ANKRD31: variants seen among roughly 807,000 people sequenced by gnomAD.
The protein encoded by ANKRD31 is ankyrin repeat domain-containing protein 31.
In ANKRD31, 147 loss-of-function variants were observed where a neutral mutation model predicts 186.0. That is an observed-to-expected ratio of 0.79 (90% CI 0.69 to 0.91). The LOEUF is 0.91. Among genes scored for constraint, ANKRD31 ranks in the 40% least tolerant of loss-of-function variants. The probability of loss-of-function intolerance (pLI) is 0.00; values close to 1 mark genes in which losing one functional copy is unlikely to be tolerated. For synonymous variants in ANKRD31, 673 were observed against 736.4 expected, an observed-to-expected ratio of 0.91 and a Z score of 1.39; for missense variants, 1,986 against 2,148.8, an observed-to-expected ratio of 0.92 and a Z score of 1.50.
intron 16 of ANKRD31, 132 bp from the exon 17 acceptor site, chr5:75,138,130 A>G: frequency 1.3e-6 from 1 of 775,766 alleles, no homozygotes; most frequent in Non-Finnish European, 1.8e-6. Context: ...TAAGTATTGA[A>G]CAAGAAATAA....
chr5:75,214,934 G>A (rs976654321), intron 3 of ANKRD31, among the ~76,000 whole-genome samples: 1 of 152,210 alleles, frequency 6.6e-6, no homozygotes, highest in Non-Finnish European at 1.5e-5. Context: ...CCAATGGGAT[G>A]TGTACATATG....
At chr5:75,222,131 A>G in intron 3 of ANKRD31, 118 bp downstream of exon 3, 1 of 660,068 alleles carries the variant, frequency 1.5e-6, no homozygotes, top group East Asian at 3.1e-5. Flanking sequence ...AAAAATTAAT[A>G]AGAAAAGAGG....
rs1476261033 is a variant in ANKRD31, at chr5:75,147,509, T to C, written c.1906-4A>G. The C allele has an allele frequency of 1.4e-6, 2 of 1,423,832 alleles. No individual in the cohort carries two copies. Among genetic ancestry groups the C allele is most frequent in the East Asian group, 2.5e-5 (1 of 39,824 alleles). The allele number at this position is 1,423,832 out of a possible 1,614,324, so 88.2% of individuals were successfully genotyped here. ...TTTTAGAACTGAACTTTGGTTTCTA[T>C]AGAAAAAAAATACATAGTTAGCTTT... On this transcript the variant is annotated splice_region_variant and splice_polypyrimidine_tract_variant and intron_variant, in intron 13 of 25. Coordinates refer to ENST00000506364, the MANE Select transcript of ANKRD31 (RefSeq NM_001372053.1).
At chr5:75,074,955 CA>C (rs1387220961) in intron 25 of ANKRD31, among the ~76,000 whole-genome samples, 11 of 152,164 alleles carry the variant, frequency 7.2e-5, no homozygotes, top group African/African-American at 2.2e-4. Context: ...TATTTCTACA[CA>C]AAAGCACAAA....
intron 17 of ANKRD31, among the ~76,000 whole-genome samples, 169 bp from the exon 18 acceptor site, chr5:75,118,466 A>G (rs1379838889): frequency 1.3e-5 from 2 of 152,216 alleles, no homozygotes; most frequent in East Asian, 3.8e-4. Context: ...AACTAATCCA[A>G]TTTGGACTGA....
At chr5:75,204,044 T>C (rs1214461318) in intron 5 of ANKRD31, among the ~76,000 whole-genome samples, 2 of 152,220 alleles carry the variant, frequency 1.3e-5, no homozygotes, top group Non-Finnish European at 2.9e-5. Context: ...ATGGTCAATT[T>C]ACTAAACTTC....
chr5:75,215,347 A>G (rs1482222834), intron 3 of ANKRD31, among the ~76,000 whole-genome samples: 1 of 152,156 alleles, frequency 6.6e-6, no homozygotes, highest in East Asian at 1.9e-4. Flanking sequence ...ATAATGTTTG[A>G]CCAACTATCT....
intron 10 of ANKRD31, among the ~76,000 whole-genome samples, chr5:75,171,760 C>T (rs1001477386): frequency 1.3e-5 from 2 of 151,188 alleles, no homozygotes; most frequent in Admixed American, 6.6e-5. Flanking sequence ...ATAGCCTATA[C>T]CTATTAATGA....
At chr5:75,080,302 A>G (rs565619358) in intron 25 of ANKRD31, among the ~76,000 whole-genome samples, 216 of 152,290 alleles carry the variant, frequency 1.4e-3, no homozygotes, top group Non-Finnish European at 2.2e-3. Context: ...TTACTTATTC[A>G]TTCATTTATT....
At chr5:75,131,306 G>A (rs556154870) in intron 17 of ANKRD31, among the ~76,000 whole-genome samples, 3 of 152,302 alleles carry the variant, frequency 2.0e-5, no homozygotes, top group Non-Finnish European at 4.4e-5. Flanking sequence ...GAGAGCGAGC[G>A]AGGGTTGCTA....
At chr5:75,188,693 A>G in intron 9 of ANKRD31, 45 bp from the exon 10 acceptor site, 1 of 1,451,994 alleles carries the variant, frequency 6.9e-7, no homozygotes, top group African/African-American at 1.4e-5. Context: ...TTATTTGAAT[A>G]TCAGAAGGAA....
chr5:75,111,237 A>G (rs1473428679), intron 20 of ANKRD31, among the ~76,000 whole-genome samples: 2 of 152,042 alleles, frequency 1.3e-5, no homozygotes, highest in East Asian at 1.9e-4. Context: ...GCCTGGAAAT[A>G]AAACAACAAA....
chr5:75,106,604 C>A (rs1390217100), intron 21 of ANKRD31, among the ~76,000 whole-genome samples: 1 of 151,958 alleles, frequency 6.6e-6, no homozygotes, highest in African/African-American at 2.4e-5. Flanking sequence ...TAAGAATTTA[C>A]GTATTGAAAC....
At chr5:75,112,033 A>G (rs113359911) in intron 20 of ANKRD31, among the ~76,000 whole-genome samples, 2 of 152,276 alleles carry the variant, frequency 1.3e-5, no homozygotes, top group African/African-American at 4.8e-5. Flanking sequence ...TTATCTAAAC[A>G]TATCACTGGT....
intron 10 of ANKRD31, among the ~76,000 whole-genome samples, chr5:75,177,454 A>C (rs899528165): frequency 1.3e-5 from 2 of 152,202 alleles, no homozygotes; most frequent in Admixed American, 6.5e-5. Context: ...AGTTGAAATG[A>C]AGGAAAAAAT....
At chr5:75,198,237 C>T (rs1322507396) in intron 6 of ANKRD31, among the ~76,000 whole-genome samples, 4 of 152,194 alleles carry the variant, frequency 2.6e-5, no homozygotes, top group African/African-American at 9.6e-5. Flanking sequence ...AAATAGAGGA[C>T]ACAAATTTGA....
At chr5:75,083,179 T>C (rs918280401) in intron 24 of ANKRD31, among the ~76,000 whole-genome samples, 11 of 152,182 alleles carry the variant, frequency 7.2e-5, no homozygotes, top group African/African-American at 2.7e-4. Context: ...TTTTAATAAT[T>C]TTGTACATGA....
In ANKRD31 at chr5:75,102,431, C is replaced by T. The variant is rs1746977508; in HGVS notation, c.5331+1797G>A. ...CCATTCTCAGATCTCAAGCTCCATG[C>T]TGGAAGAACCACTACTCTCTTCAAA... On this transcript the variant is annotated intron_variant, in intron 22 of 25. Transcript: ENST00000506364. Among the ~76,000 whole-genome samples, 3 of 152,326 alleles carry T rather than the reference C, an allele frequency of 2.0e-5. No homozygotes were observed. In the East Asian group the frequency reaches 5.8e-4, roughly 29 times the overall value.
intron 25 of ANKRD31, among the ~76,000 whole-genome samples, chr5:75,079,132 A>T (rs1744888311): frequency 6.6e-6 from 1 of 152,200 alleles, no homozygotes; most frequent in Non-Finnish European, 1.5e-5. Context: ...TACCAATTTA[A>T]TTAGTTTTTG....
Sources: allele counts gnomAD v4.1 joint callset (sites outside exome capture counted in the v4.1 genomes callset), GRCh38; gene constraint gnomAD v4.1.1; transcripts MANE v1.5; gene names NCBI Gene and HGNC (gene_info 2026-07-23, HGNC 2026-07-21).